PDGFA: variants seen among roughly 807,000 people sequenced by gnomAD.
The protein encoded by PDGFA is platelet-derived growth factor subunit A.
PDGFA carries 9 observed loss-of-function variants against 25.6 expected under a neutral mutation model. The observed-to-expected ratio is 0.35, with a 90% CI of 0.21 to 0.61. PDGFA has a LOEUF of 0.61. Among genes scored for constraint, PDGFA ranks in the 20% least tolerant of loss-of-function variants. The pLI is 0.75. For synonymous variants in PDGFA, 133 were observed against 111.8 expected, an observed-to-expected ratio of 1.19 and a Z score of -1.20; for missense variants, 242 against 272.8, an observed-to-expected ratio of 0.89 and a Z score of 0.79.
At chr7:514,584 T>G (rs915853368) in intron 2 of PDGFA, among the ~76,000 whole-genome samples, 6 of 152,184 alleles carry the variant, frequency 3.9e-5, no homozygotes, top group African/African-American at 1.4e-4. Context: ...ACCAGGAGGC[T>G]TTCCCTTTTG....
chr7:502,431 C>G (rs999472042), intron 4 of PDGFA, among the ~76,000 whole-genome samples: 1 of 152,120 alleles, frequency 6.6e-6, no homozygotes. Context: ...GTCCGAGGCT[C>G]TCCTTGGGCT....
chr7:520,166 C>T (rs1583164407), upstream of PDGFA: 1 of 272,560 alleles, frequency 3.7e-6, no homozygotes, highest in South Asian at 2.9e-5. Flanking sequence ...GGGAGGAGGC[C>T]GCCGCAGAAG....
At chr7:508,428 A>C (rs1562488218) in intron 4 of PDGFA, among the ~76,000 whole-genome samples, 1 of 151,800 alleles carries the variant, frequency 6.6e-6, no homozygotes, top group Non-Finnish European at 1.5e-5. Context: ...TTAGCCAGGC[A>C]TGGTGGCATG....
chr7:505,906 G>C (rs1032516885), intron 4 of PDGFA, among the ~76,000 whole-genome samples: 19 of 152,198 alleles, frequency 1.2e-4, no homozygotes, highest in African/African-American at 4.6e-4. Context: ...GGGTGCGGTG[G>C]CTCACGCCTG....
In PDGFA at chr7:498,591, A is replaced by G. The variant is rs1782196839; in HGVS notation, c.581-17T>C. On this transcript the variant is annotated splice_polypyrimidine_tract_variant and intron_variant, in intron 5 of 5. Transcript: ENST00000402802. ...ACCTCACATCTGCAGGGAGAAGGGAAAGACAGACACTGAGACCACCGACCA... is the reference window on the plus strand; with the variant it reads ...ACCTCACATCTGCAGGGAGAAGGGAGAGACAGACACTGAGACCACCGACCA... 3 of 1,609,798 alleles carry G rather than the reference A, an allele frequency of 1.9e-6. No individual in the cohort carries two copies. The highest frequency in any genetic ancestry group is 2.5e-6 in the Non-Finnish European group (3 of 1,178,196).
chr7:511,373 C>CCTAGTCCAGG (rs1782837147), intron 3 of PDGFA, among the ~76,000 whole-genome samples: 2 of 74,944 alleles, frequency 2.7e-5, no homozygotes, highest in Admixed American at 1.4e-4. Context: ...GGGCCAGAGA[C>CCTAGTCCAGG]TGGGGGTGGC....
At chr7:499,263 G>C (rs549884026) in intron 5 of PDGFA, among the ~76,000 whole-genome samples, 2 of 152,222 alleles carry the variant, frequency 1.3e-5, no homozygotes, top group South Asian at 4.1e-4. Context: ...AGCCAAGGCT[G>C]ACCAACAGTC....
chr7:498,627 C>T lies in PDGFA; in HGVS notation c.581-53G>A, dbSNP rs1782198525. On this transcript the variant is annotated intron_variant, in intron 5 of 5. Transcript: ENST00000402802. Reference sequence around the variant, plus strand: ...TGAGACCACCGACCAAGTGAACCACCCAGCACACACATGGCTGCATAGGAG... The same window carrying T: ...TGAGACCACCGACCAAGTGAACCACTCAGCACACACATGGCTGCATAGGAG... The T allele has an allele frequency of 1.9e-6, 3 of 1,572,848 alleles. No individual in the cohort carries two copies. In the African/African-American group the frequency reaches 4.1e-5, roughly 21 times the overall value.
Position 500,631 on chromosome 7 carries a change from T to C in PDGFA, c.580+485A>G. On this transcript the variant is annotated intron_variant, in intron 5 of 5. Transcript: ENST00000402802. The surrounding 1 kb of genome is among the most constrained non-coding windows in gnomAD (Gnocchi z 5.0). ...GGCCAGCACCCTGGCACCGAGAAAC[T>C]TCTGAGTCCCCTCATGCTCCCAGGG... is the stretch of plus-strand genomic sequence containing the variant. The C allele has an allele frequency of 1.3e-6, 2 of 1,499,132 alleles. No individual in the cohort carries two copies. The highest frequency in any genetic ancestry group is 1.4e-5 in the African/African-American group (1 of 71,416). 92.9% of individuals were successfully genotyped at this position (1,499,132 alleles called of 1,614,324 possible).
intron 4 of PDGFA, 32 bp downstream of exon 4, chr7:510,777 G>T: frequency 2.7e-6 from 2 of 728,044 alleles, no homozygotes; most frequent in South Asian, 1.8e-5. Context: ...AGGAGGGGAG[G>T]GGAGGGGAGG....
At chr7:511,388 G>GAACCTAGTC (rs1782839916) in intron 3 of PDGFA, among the ~76,000 whole-genome samples, 1 of 145,500 alleles carries the variant, frequency 6.9e-6, no homozygotes, top group South Asian at 2.2e-4. Context: ...GGTGGCAGGG[G>GAACCTAGTC]CAGAGGGGAA....
In PDGFA at chr7:500,097, A is replaced by G. The variant is rs927367908; in HGVS notation, c.580+1019T>C. 6.6e-6 allele frequency among the ~76,000 whole-genome samples: 1 copy of G among 152,238 alleles called. No individual in the cohort carries two copies. The highest frequency in any genetic ancestry group is 2.4e-5 in the African/African-American group (1 of 41,474). ...TCTGTCAAATGGGGTGGGTGATCCC[A>G]GAGTGGCCAGGCGCTCAGAGCTGCC... On this transcript the variant is annotated intron_variant, in intron 5 of 5. Coordinates refer to ENST00000402802, the Ensembl canonical transcript of PDGFA. This position sits in a 1 kb window ranked among gnomAD's most constrained non-coding sequence, Gnocchi z 5.0.
At chr7:501,580 A>T (rs1389544705) in intron 4 of PDGFA, among the ~76,000 whole-genome samples, 1 of 152,000 alleles carries the variant, frequency 6.6e-6, no homozygotes, top group African/African-American at 2.4e-5. Context: ...ATGCCCAGCT[A>T]ATTTTAAATA....
At chr7:506,051 C>G (rs1782550127) in intron 4 of PDGFA, among the ~76,000 whole-genome samples, 1 of 151,948 alleles carries the variant, frequency 6.6e-6, no homozygotes, top group Non-Finnish European at 1.5e-5. Context: ...TGGTGAGTGT[C>G]TGTAATCCCA....
intron 4 of PDGFA, among the ~76,000 whole-genome samples, chr7:510,359 TC>T (rs1193488112): frequency 6.6e-6 from 1 of 151,632 alleles, no homozygotes; most frequent in Non-Finnish European, 1.5e-5. Context: ...CCTTGTGGCC[TC>T]CCAGGAGGGA....
chr7:500,825 C>T lies in PDGFA; in HGVS notation c.580+291G>A. On this transcript the variant is annotated intron_variant, in intron 5 of 5. Coordinates refer to ENST00000402802, the Ensembl canonical transcript of PDGFA. This position sits in a 1 kb window ranked among gnomAD's most constrained non-coding sequence, Gnocchi z 5.0. ...GATTCTTCTCAGCTCAGCCCCGCAG[C>T]CCACTAATGAATTGGGTGTCTTATG... 5 of 1,485,244 alleles carry T rather than the reference C, an allele frequency of 3.4e-6. No homozygotes were observed. The South Asian group carries it at 5.1e-5, about 15-fold the overall frequency. The allele number at this position is 1,485,244 out of a possible 1,614,324, so 92.0% of individuals were successfully genotyped here.
At chr7:498,318 C>G in exon 6 of PDGFA, 3 of 485,412 alleles carry the variant, frequency 6.2e-6, no homozygotes, top group African/African-American at 2.1e-5. Context: ...TTTTCTCTCT[C>G]TCTTTCTCTC....
exon 4 of PDGFA, chr7:510,852 C>G: frequency 1.2e-6 from 2 of 1,609,880 alleles, no homozygotes; most frequent in Non-Finnish European, 1.7e-6. Context: ...GCACTTGACA[C>G]TGCTCGTGTT....
In PDGFA at chr7:517,491, C is replaced by T; in HGVS notation, c.64-1G>A. On this transcript the variant is annotated splice_acceptor_variant, in intron 1 of 5. Transcript: ENST00000402802. LOFTEE classifies it high-confidence loss of function. The surrounding 1 kb of genome is among the most constrained non-coding windows in gnomAD (Gnocchi z 7.4). The stretch of plus-strand genomic sequence containing the variant: ...TCACCTCGCGGGGGATCTCGGCTTC[C>T]TGCAAGCAGAGGCCACACGGTCAGC... The T allele has an allele frequency of 7.6e-7, 1 of 1,312,818 alleles. No individual in the cohort carries two copies. The highest frequency in any genetic ancestry group is 9.8e-7 in the Non-Finnish European group (1 of 1,015,454). 81.3% of individuals were successfully genotyped at this position (1,312,818 alleles called of 1,614,324 possible). A position where few individuals can be genotyped will look rare whatever the true frequency, so the allele number is the denominator to read the frequency against.
Sources: gnomAD v4.1 joint callset for allele counts (sites outside exome capture counted in the v4.1 genomes callset) on GRCh38, gnomAD v4.1.1 for gene constraint, Gnocchi (gnomAD v3.1) non-coding constraint, MANE v1.5 for transcripts, NCBI Gene and HGNC (gene_info 2026-07-23, HGNC 2026-07-21) for gene names.